PTPRD: variants seen among roughly 807,000 people sequenced by gnomAD.
The protein encoded by PTPRD is receptor-type tyrosine-protein phosphatase delta.
In PTPRD, 34 loss-of-function variants were observed where a neutral mutation model predicts 214.5. The ratio of observed to expected loss-of-function variants is 0.16; its 90% CI spans 0.12 to 0.21. The LOEUF (loss-of-function observed/expected upper bound fraction) is 0.21, where lower values mean the gene tolerates loss of function less well. Ranked by LOEUF, PTPRD falls within the 10% of genes least tolerant of loss-of-function variation. PTPRD has a pLI of 1.00. For missense variants in PTPRD, 2,545 were observed against 2,398.7 expected (o/e 1.06, Z -1.27); for synonymous variants, 1,128 against 845.7 (o/e 1.33, Z -5.79).
At chr9:9,468,202 G>A (rs969818072) in intron 8 of PTPRD, among the ~76,000 whole-genome samples, 5 of 150,452 alleles carry the variant, frequency 3.3e-5, no homozygotes, top group Admixed American at 6.6e-5. Context: ...TTTTTTTATC[G>A]GTTTTTATTT....
At chr9:8,341,596 T>C in intron 40 of PTPRD, 97 bp downstream of exon 40, 3 of 1,364,788 alleles carry the variant, frequency 2.2e-6, no homozygotes, top group South Asian at 1.3e-5. Context: ...ATGAATCTTG[T>C]ACTTCACAAA....
chr9:10,507,047 GC>G (rs1411623702), intron 2 of PTPRD, among the ~76,000 whole-genome samples: 1 of 151,720 alleles, frequency 6.6e-6, no homozygotes, highest in East Asian at 1.9e-4. Context: ...TCCTGTTTTT[GC>G]CCATTCAGTA....
chr9:8,436,467 T>G (rs757382522), intron 35 of PTPRD, 125 bp downstream of exon 35: 11 of 675,286 alleles, frequency 1.6e-5, no homozygotes, highest in Non-Finnish European at 2.0e-5. Context: ...ATTATACATT[T>G]TTATATCATA....
At chr9:9,880,640 G>T (rs1013739713) in intron 5 of PTPRD, among the ~76,000 whole-genome samples, 1 of 152,106 alleles carries the variant, frequency 6.6e-6, no homozygotes, top group East Asian at 1.9e-4. Flanking sequence ...TGTGTGTGTT[G>T]TGTGCTTGTG....
chr9:9,253,157 A>C (rs1594611035), intron 9 of PTPRD, among the ~76,000 whole-genome samples: 1 of 152,082 alleles, frequency 6.6e-6, no homozygotes, highest in Non-Finnish European at 1.5e-5. Flanking sequence ...TCTATTTTTG[A>C]AGTACCTACT....
intron 9 of PTPRD, among the ~76,000 whole-genome samples, chr9:9,352,769 G>A (rs73393047): frequency 5.9e-5 from 9 of 151,882 alleles, no homozygotes; most frequent in Non-Finnish European, 1.3e-4. Context: ...TTCTCTCAGA[G>A]TTGTAATAAT....
intron 14 of PTPRD, among the ~76,000 whole-genome samples, chr9:8,544,767 G>A (rs1245221649): frequency 6.6e-6 from 1 of 151,716 alleles, no homozygotes; most frequent in African/African-American, 2.4e-5. Context: ...CACCATGCCT[G>A]GTCGCCATTA....
chr9:8,576,048 A>T (rs974049710), intron 14 of PTPRD, among the ~76,000 whole-genome samples: 1 of 152,232 alleles, frequency 6.6e-6, no homozygotes, highest in African/African-American at 2.4e-5. Flanking sequence ...GATGATACTT[A>T]GTATGCATGA....
chr9:8,573,615 G>C (rs992855675), intron 14 of PTPRD, among the ~76,000 whole-genome samples: 1 of 151,680 alleles, frequency 6.6e-6, no homozygotes, highest in African/African-American at 2.4e-5. Flanking sequence ...TGACTATTAA[G>C]CATATCTCTA....
intron 18 of PTPRD, among the ~76,000 whole-genome samples, chr9:8,524,141 T>C (rs543563535): frequency 3.9e-5 from 6 of 152,154 alleles, no homozygotes; most frequent in East Asian, 3.9e-4. Flanking sequence ...TTCTTTCTAG[T>C]TGAATGGAAA....
At chr9:10,125,286 T>C (rs2098807190) in intron 3 of PTPRD, among the ~76,000 whole-genome samples, 1 of 152,000 alleles carries the variant, frequency 6.6e-6, no homozygotes, top group Admixed American at 6.6e-5. Flanking sequence ...CATACTCCCT[T>C]CTACTTACAT....
At chr9:8,667,207 T>C (rs1295047635) in intron 12 of PTPRD, among the ~76,000 whole-genome samples, 1 of 152,018 alleles carries the variant, frequency 6.6e-6, no homozygotes, top group Non-Finnish European at 1.5e-5. Context: ...GGCGTTGTGG[T>C]GGGCGCCTGT....
intron 9 of PTPRD, among the ~76,000 whole-genome samples, chr9:9,351,413 GA>G (rs1029429502): frequency 1.3e-5 from 2 of 152,044 alleles, no homozygotes; most frequent in Non-Finnish European, 2.9e-5. Flanking sequence ...AGGAAAAGCA[GA>G]AAGTACTTGG....
At chr9:8,494,009 C>A (rs758178563) in intron 26 of PTPRD, among the ~76,000 whole-genome samples, 2 of 126,200 alleles carry the variant, frequency 1.6e-5, no homozygotes, top group Admixed American at 7.7e-5. Flanking sequence ...GACACACAGA[C>A]ACACACACAC....
At chr9:9,601,125 G>T (rs890189440) in intron 7 of PTPRD, among the ~76,000 whole-genome samples, 6 of 123,480 alleles carry the variant, frequency 4.9e-5, no homozygotes, top group African/African-American at 2.2e-4. Context: ...GTGTGTGTGT[G>T]TGTGTGTGTG....
intron 2 of PTPRD, among the ~76,000 whole-genome samples, chr9:10,491,790 T>G (rs1030974689): frequency 6.6e-6 from 1 of 152,054 alleles, no homozygotes; most frequent in African/African-American, 2.4e-5. Flanking sequence ...GGTATACATG[T>G]GCCATGGTGG....
intron 10 of PTPRD, among the ~76,000 whole-genome samples, chr9:9,033,354 A>G (rs878857258): frequency 2.0e-5 from 3 of 152,140 alleles, no homozygotes; most frequent in Admixed American, 1.3e-4. Context: ...TGCCCAAGAC[A>G]TGAGGAAAGT....
intron 7 of PTPRD, among the ~76,000 whole-genome samples, chr9:9,699,322 A>G (rs2097445228): frequency 6.6e-6 from 1 of 152,162 alleles, no homozygotes; most frequent in Non-Finnish European, 1.5e-5. Flanking sequence ...TTTTCATATT[A>G]TGTCAAAATT....
intron 5 of PTPRD, among the ~76,000 whole-genome samples, chr9:9,918,408 T>C (rs375604269): frequency 7.7e-6 from 1 of 130,274 alleles, no homozygotes; most frequent in East Asian, 2.3e-4. Flanking sequence ...ATAAAAATAA[T>C]TGAAGAAGAT....
Sources: allele counts gnomAD v4.1 joint callset (sites outside exome capture counted in the v4.1 genomes callset), GRCh38; gene constraint gnomAD v4.1.1; transcripts MANE v1.5; gene names NCBI Gene and HGNC (gene_info 2026-07-23, HGNC 2026-07-21).